EPC2: variants seen among roughly 807,000 people sequenced by gnomAD.
EPC2 encodes the protein enhancer of polycomb 2.
Under a neutral mutation model 92.1 loss-of-function variants are expected in EPC2, and 14 were observed. That is an observed-to-expected ratio of 0.15 (90% CI 0.10 to 0.24). EPC2 has a LOEUF of 0.24. Among genes scored for constraint, EPC2 ranks in the 10% least tolerant of loss-of-function variants. The pLI, the probability that EPC2 is intolerant of heterozygous loss-of-function variation, is 1.00. For missense variants in EPC2, 755 were observed against 971.5 expected (o/e 0.78, Z 2.96); for synonymous variants, 340 against 334.7 (o/e 1.02, Z -0.17).
At chr2:148,710,303 C>T (rs1201148451) in intron 2 of EPC2, among the ~76,000 whole-genome samples, 7 of 152,166 alleles carry the variant, frequency 4.6e-5, no homozygotes, top group African/African-American at 1.4e-4. Context: ...AATGAGATGC[C>T]ATCTCACACC....
intron 1 of EPC2, among the ~76,000 whole-genome samples, chr2:148,649,182 C>T (rs1680605917): frequency 6.6e-6 from 1 of 152,036 alleles, no homozygotes; most frequent in Admixed American, 6.6e-5. Flanking sequence ...TCATTTAATC[C>T]TTTTTTTAAA....
At chr2:148,647,661 T>C (rs57209845) in intron 1 of EPC2, among the ~76,000 whole-genome samples, 1,259 of 120,888 alleles carry the variant, frequency 0.01, 21 homozygotes, top group African/African-American at 0.038. Flanking sequence ...TATTACCGAG[T>C]CTAGCTCTGT....
At chr2:148,691,994 A>G in intron 2 of EPC2, 1 of 357,248 alleles carries the variant, frequency 2.8e-6, no homozygotes, top group Non-Finnish European at 5.4e-6. Flanking sequence ...ATTTGATAGA[A>G]TTCAATAATA....
intron 1 of EPC2, among the ~76,000 whole-genome samples, chr2:148,678,103 C>T (rs1681308791): frequency 6.6e-6 from 1 of 152,154 alleles, no homozygotes; most frequent in Non-Finnish European, 1.5e-5. Flanking sequence ...CGCTGATTGG[C>T]GCATTTACAA....
Position 148,645,639 on chromosome 2 carries a change from ATCT to A in EPC2, c.153+472_153+474del, listed in dbSNP as rs1683782325. ...GTGGAAGGGTGCTTTCAAAACAAAC[ATCT>A]TCCTCCCAGCAATGTAATCATCCTG... On this transcript the variant is annotated intron_variant, in intron 1 of 13. Coordinates refer to ENST00000258484, the MANE Select transcript of EPC2 (RefSeq NM_015630.4). The A allele has an allele frequency of 2.6e-5, 4 of 154,640 alleles. No homozygotes were observed. In the South Asian group the frequency reaches 6.6e-4, roughly 25 times the overall value. 9.6% of individuals were successfully genotyped at this position (154,640 alleles called of 1,614,324 possible). A position where few individuals can be genotyped will look rare whatever the true frequency, so the allele number is the denominator to read the frequency against.
At chr2:148,718,744 T>C (rs1682305665) in intron 2 of EPC2, among the ~76,000 whole-genome samples, 1 of 152,208 alleles carries the variant, frequency 6.6e-6, no homozygotes. Flanking sequence ...TGGAGTATCT[T>C]ACTGGGGTTC....
chr2:148,775,779 T>C (rs1295407152), intron 10 of EPC2, among the ~76,000 whole-genome samples: 1 of 118,748 alleles, frequency 8.4e-6, no homozygotes, highest in East Asian at 2.2e-4. Context: ...TCTTTTCTTT[T>C]TTTTTTTTTT....
chr2:148,756,177 C>T (rs1243644705), intron 4 of EPC2, among the ~76,000 whole-genome samples: 2 of 152,128 alleles, frequency 1.3e-5, no homozygotes, highest in Non-Finnish European at 2.9e-5. Flanking sequence ...ACAGGTTTTC[C>T]TGACACTCTG....
chr2:148,738,716 TAGTG>T lies in EPC2; in HGVS notation c.314-4902_314-4899del, dbSNP rs566539877. On this transcript the variant is annotated intron_variant, in intron 2 of 13. Coordinates refer to ENST00000258484, the MANE Select transcript of EPC2 (RefSeq NM_015630.4). ...AGTGTAGCCATTTATAAAAATAAAT[TAGTG>T]AGTTTATAATTTAGAGGCTTTAGGA... Among the ~76,000 whole-genome samples, 323 of 152,290 alleles carry T rather than the reference TAGTG, an allele frequency of 2.1e-3. 3 individuals carry two copies. The highest frequency in any genetic ancestry group is 7.4e-3 in the African/African-American group (309 of 41,562).
chr2:148,648,485 T>TTA (rs1385206229), intron 1 of EPC2, among the ~76,000 whole-genome samples: 1 of 152,236 alleles, frequency 6.6e-6, no homozygotes, highest in African/African-American at 2.4e-5. Context: ...CTCCTTATTT[T>TTA]TATAAGATTT....
At chr2:148,672,085 TTTC>T (rs1283878153) in intron 1 of EPC2, among the ~76,000 whole-genome samples, 6 of 152,152 alleles carry the variant, frequency 3.9e-5, no homozygotes, top group African/African-American at 1.4e-4. Flanking sequence ...GTCCTAGGCT[TTTC>T]TTTGTTGAGA....
chr2:148,769,218 G>T lies in EPC2; in HGVS notation c.1208G>T (p.Arg403Leu), dbSNP rs761809638. 8.7e-6 allele frequency: 14 copies of T among 1,611,274 alleles called. No homozygotes were observed. The highest frequency in any genetic ancestry group is 1.2e-5 in the Non-Finnish European group (14 of 1,178,776). Reference sequence around the variant, plus strand: ...GATGGTCCCTGTGCTTTCAGAAGGCGGGCAGGATGCCAGTATTATGCTGTA... The same window carrying T: ...GATGGTCCCTGTGCTTTCAGAAGGCTGGCAGGATGCCAGTATTATGCTGTA... ...DPDGPCAFRR[R>L]AGCQYYAPRL... is the part of the protein sequence containing the mutation. The change falls in exon 8 of 14, where the codon CGG becomes CTG. Residue 403 changes from arginine to leucine, a missense_variant. By Grantham distance (102) the Arg-to-Leu change is moderately radical. Coordinates refer to ENST00000258484, the MANE Select transcript of EPC2 (RefSeq NM_015630.4).
chr2:148,671,613 C>T (rs1251445300), intron 1 of EPC2, among the ~76,000 whole-genome samples: 1 of 151,856 alleles, frequency 6.6e-6, no homozygotes, highest in Non-Finnish European at 1.5e-5. Context: ...GACCCCATCC[C>T]CCCAAAAAAA....
At chr2:148,743,385 A>G (rs1014394229) in intron 2 of EPC2, among the ~76,000 whole-genome samples, 1 of 152,178 alleles carries the variant, frequency 6.6e-6, no homozygotes, top group East Asian at 1.9e-4. Flanking sequence ...ATTCTGTTAT[A>G]CATTTTCAAA....
At chr2:148,738,635 A>G (rs1275459295) in intron 2 of EPC2, among the ~76,000 whole-genome samples, 2 of 152,200 alleles carry the variant, frequency 1.3e-5, no homozygotes, top group Non-Finnish European at 2.9e-5. Context: ...TGTATTGTCA[A>G]AAGGACATAT....
chr2:148,645,781 A>T (rs1467668282), intron 1 of EPC2, among the ~76,000 whole-genome samples: 1 of 151,762 alleles, frequency 6.6e-6, no homozygotes, highest in East Asian at 1.9e-4. Flanking sequence ...CCCGCCGGCC[A>T]GTTCTGCCGA....
chr2:148,747,376 C>T (rs147013471), intron 3 of EPC2, among the ~76,000 whole-genome samples: 1,619 of 152,156 alleles, frequency 0.011, 13 homozygotes, highest in Non-Finnish European at 0.017. Context: ...GTATAGTCCT[C>T]GAATATTTTA....
intron 1 of EPC2, among the ~76,000 whole-genome samples, chr2:148,688,502 T>C (rs1392584997): frequency 1.3e-5 from 2 of 152,136 alleles, no homozygotes; most frequent in Non-Finnish European, 2.9e-5. Flanking sequence ...ACATGGCACA[T>C]GTATACATAT....
intron 1 of EPC2, among the ~76,000 whole-genome samples, chr2:148,685,300 G>C (rs931854599): frequency 2.0e-5 from 3 of 151,712 alleles, no homozygotes; most frequent in Middle Eastern, 3.4e-3. Context: ...GGAGTTCTCT[G>C]CTCTTACAGC....
Sources: allele counts gnomAD v4.1 joint callset (sites outside exome capture counted in the v4.1 genomes callset), GRCh38; gene constraint gnomAD v4.1.1; transcripts MANE v1.5; gene names NCBI Gene and HGNC (gene_info 2026-07-23, HGNC 2026-07-21).